Variants in ZNF385D observed in about 807,000 individuals in gnomAD.
The protein encoded by ZNF385D is zinc finger protein 385D.
ZNF385D carries 15 observed loss-of-function variants against 35.8 expected under a neutral mutation model. That is an observed-to-expected ratio of 0.42 (90% CI 0.28 to 0.64). The LOEUF (loss-of-function observed/expected upper bound fraction) is 0.64, where lower values mean the gene tolerates loss of function less well. ZNF385D is among the 30% of genes least tolerant of loss of function. The pLI is 0.23. For missense variants in ZNF385D, 474 were observed against 494.6 expected (o/e 0.96, Z 0.39); for synonymous variants, 212 against 186.8 (o/e 1.13, Z -1.10).
intron 3 of ZNF385D, among the ~76,000 whole-genome samples, chr3:21,896,220 C>A (rs545841245): frequency 1.8e-4 from 27 of 152,174 alleles, no homozygotes; most frequent in Non-Finnish European, 3.1e-4. Context: ...AATTACATCA[C>A]CTGAACAGTT....
intron 2 of ZNF385D, among the ~76,000 whole-genome samples, chr3:22,239,438 A>G (rs979823478): frequency 6.6e-6 from 1 of 151,080 alleles, no homozygotes; most frequent in Non-Finnish European, 1.5e-5. Context: ...TGAGGGGAAA[A>G]TTCAAGTTTA....
At chr3:22,279,489 A>AATATACATATGTACATATATATATAC (rs1559495379) in intron 2 of ZNF385D, among the ~76,000 whole-genome samples, 9 of 105,030 alleles carry the variant, frequency 8.6e-5, no homozygotes, top group African/African-American at 3.3e-4. Context: ...ATATATATGG[A>AATATACATATGTACATATATATATAC]ATATACATAT....
chr3:22,012,685 A>C (rs899281025), intron 3 of ZNF385D, among the ~76,000 whole-genome samples: 3 of 152,068 alleles, frequency 2.0e-5, no homozygotes, highest in Non-Finnish European at 4.4e-5. Context: ...AAGTATAATG[A>C]CTATTTCTAG....
At chr3:22,293,583 G>C (rs975265046) in intron 2 of ZNF385D, among the ~76,000 whole-genome samples, 13 of 152,040 alleles carry the variant, frequency 8.6e-5, no homozygotes, top group African/African-American at 3.1e-4. Flanking sequence ...TTCCACAGTG[G>C]ATAGATAACA....
intron 3 of ZNF385D, among the ~76,000 whole-genome samples, chr3:21,942,845 G>T (rs543375912): frequency 6.6e-6 from 1 of 152,240 alleles, no homozygotes; most frequent in African/African-American, 2.4e-5. Flanking sequence ...TATAATATAT[G>T]CTGTTCTGTA....
intron 2 of ZNF385D, among the ~76,000 whole-genome samples, chr3:22,190,430 A>T (rs983711132): frequency 2.0e-5 from 3 of 152,174 alleles, no homozygotes; most frequent in South Asian, 2.1e-4. Flanking sequence ...TTGCATTTCA[A>T]ATGAGTGGTA....
rs190135058 is a variant in ZNF385D, at chr3:21,937,875, G to A, written c.325+230942C>T. Among the ~76,000 whole-genome samples the A allele has an allele frequency of 2.5e-3, 378 of 152,232 alleles. 1 individual carries two copies. Among genetic ancestry groups the A allele is most frequent in the African/African-American group, 8.7e-3 (360 of 41,554 alleles). Reference sequence around the variant, plus strand: ...GCTTTAAGTAGCCTCTATAACATAAGCGTATTTTCCAATCATTAATGTCTT... The same window carrying A: ...GCTTTAAGTAGCCTCTATAACATAAACGTATTTTCCAATCATTAATGTCTT... On this transcript the variant is annotated intron_variant, in intron 3 of 5. Transcript: ENST00000494108.
rs17009394 is a variant in ZNF385D at position 21,736,254 on chromosome 3, T to C, written c.22+14641A>G. On this transcript the variant is annotated intron_variant, in intron 1 of 7. Coordinates refer to ENST00000281523, the MANE Select transcript of ZNF385D (RefSeq NM_024697.3). ...CAATAGATGGTGACATCATCGCTGC[T>C]TGGAAATTTTGTTTCCTTGATAAAG... Among the ~76,000 whole-genome samples the C allele has an allele frequency of 5.7e-3, 866 of 152,320 alleles. 15 individuals are homozygous for C. The highest frequency in any genetic ancestry group is 0.02 in the African/African-American group (828 of 41,574).
At chr3:22,186,399 G>A (rs910307344) in intron 2 of ZNF385D, among the ~76,000 whole-genome samples, 1 of 152,310 alleles carries the variant, frequency 6.6e-6, no homozygotes, top group East Asian at 1.9e-4. Context: ...AGTCACAGAA[G>A]GGAGTGTCAC....
intron 2 of ZNF385D, among the ~76,000 whole-genome samples, chr3:22,260,947 A>T (rs1700595018): frequency 6.6e-6 from 1 of 152,054 alleles, no homozygotes; most frequent in African/African-American, 2.4e-5. Flanking sequence ...ATTACATTAA[A>T]ACATATTTAT....
chr3:21,763,873 A>G (rs2125592131), intron 3 of ZNF385D, among the ~76,000 whole-genome samples: 1 of 152,304 alleles, frequency 6.6e-6, no homozygotes, highest in South Asian at 2.1e-4. Flanking sequence ...TCATTAATTC[A>G]CTATTCTAAC....
In ZNF385D at chr3:22,145,937, G is replaced by T. The variant is rs188149063; in HGVS notation, c.325+22880C>A. ...TCATTTTCCCAATAAAACAGCAATG[G>T]AAACATTTGCTGTGATTATTAACAG... On this transcript the variant is annotated intron_variant, in intron 3 of 5. Transcript: ENST00000494108. 2.6e-5 allele frequency among the ~76,000 whole-genome samples: 4 copies of T among 152,072 alleles called. No individual in the cohort carries two copies. The East Asian group carries it at 7.7e-4, about 29-fold the overall frequency.
Position 21,608,023 on chromosome 3 carries a change from G to GTTTTTTTTTGTTTTTTTT in ZNF385D, c.166-43340_166-43339insAAAAAAAACAAAAAAAAA, listed in dbSNP as rs1553622610. ...TAATTCTTTTTCTTCTTTTTTTTTT[G>GTTTTTTTTTGTTTTTTTT]TTTTTTTTTTTTGAGTCTTGCTGTC... On this transcript the variant is annotated intron_variant, in intron 2 of 7. Coordinates refer to ENST00000281523, the MANE Select transcript of ZNF385D (RefSeq NM_024697.3). 8.3e-5 allele frequency among the ~76,000 whole-genome samples: 10 copies of GTTTTTTTTTGTTTTTTTT among 120,230 alleles called. 2 individuals carry two copies. Among genetic ancestry groups the GTTTTTTTTTGTTTTTTTT allele is most frequent in the Admixed American group, 1.8e-4 (2 of 10,882 alleles). 78.9% of individuals were successfully genotyped at this position (120,230 alleles called of 152,430 possible).
intron 3 of ZNF385D, among the ~76,000 whole-genome samples, chr3:22,026,593 T>C (rs1697567295): frequency 6.6e-6 from 1 of 152,212 alleles, no homozygotes; most frequent in Non-Finnish European, 1.5e-5. Flanking sequence ...GGACTCATCC[T>C]GTGGTCATTT....
At chr3:21,502,013 T>C (rs1386795127) in intron 4 of ZNF385D, among the ~76,000 whole-genome samples, 2 of 152,208 alleles carry the variant, frequency 1.3e-5, no homozygotes, top group Non-Finnish European at 2.9e-5. Context: ...CACATGCATA[T>C]GCACTGAAGG....
At chr3:22,188,140 T>A (rs1328734404) in intron 2 of ZNF385D, among the ~76,000 whole-genome samples, 1 of 152,122 alleles carries the variant, frequency 6.6e-6, no homozygotes. Flanking sequence ...TTTTCAAAGT[T>A]TATTCTGTGG....
intron 2 of ZNF385D, among the ~76,000 whole-genome samples, chr3:22,236,500 GA>G (rs1559470709): frequency 6.6e-6 from 1 of 152,038 alleles, no homozygotes; most frequent in Non-Finnish European, 1.5e-5. Context: ...TGCATGAATT[GA>G]AAATTTTTAA....
chr3:21,827,777 C>G (rs994134731), intron 3 of ZNF385D, among the ~76,000 whole-genome samples: 1 of 152,128 alleles, frequency 6.6e-6, no homozygotes, highest in Non-Finnish European at 1.5e-5. Context: ...GCAAAATGTG[C>G]GTGACATTTG....
chr3:22,197,631 C>T (rs559169988), intron 2 of ZNF385D, among the ~76,000 whole-genome samples: 32 of 152,116 alleles, frequency 2.1e-4, no homozygotes, highest in African/African-American at 7.7e-4. Flanking sequence ...GGAGCTCTAC[C>T]CAAGCTTTTG....
Sources: allele counts gnomAD v4.1 joint callset (sites outside exome capture counted in the v4.1 genomes callset), GRCh38; gene constraint gnomAD v4.1.1; transcripts MANE v1.5; gene names NCBI Gene and HGNC (gene_info 2026-07-23, HGNC 2026-07-21).